FAAH: variants seen among roughly 807,000 people sequenced by gnomAD.
FAAH encodes the protein fatty-acid amide hydrolase 1.
FAAH carries 63 observed loss-of-function variants against 69.7 expected under a neutral mutation model. The ratio of observed to expected loss-of-function variants is 0.90; its 90% CI spans 0.74 to 1.12. The LOEUF is 1.12. FAAH is among the 50% of genes most tolerant of loss of function. FAAH has a pLI of 0.00. For missense variants in FAAH, 680 were observed against 755.0 expected, an observed-to-expected ratio of 0.90 and a Z score of 1.16; for synonymous variants, 305 against 324.2, an observed-to-expected ratio of 0.94 and a Z score of 0.64.
chr1:46,398,062 T>C (rs865839488), intron 1 of FAAH, among the ~76,000 whole-genome samples: 3 of 151,466 alleles, frequency 2.0e-5, no homozygotes, highest in Non-Finnish European at 4.4e-5. Flanking sequence ...GCCTCCCTAG[T>C]AGCTGGGGTT....
chr1:46,411,657 G>T lies in FAAH; in HGVS notation c.1356+6G>T. 1 of 1,613,944 alleles carries T rather than the reference G, an allele frequency of 6.2e-7. No individual in the cohort carries two copies. Among genetic ancestry groups the T allele is most frequent in the Non-Finnish European group, 8.5e-7 (1 of 1,179,922 alleles). On this transcript the variant is annotated splice_donor_region_variant and intron_variant, in intron 12 of 14. Coordinates refer to ENST00000243167, the MANE Select transcript of FAAH (RefSeq NM_001441.3). This position sits in a 1 kb window ranked among gnomAD's most constrained non-coding sequence, Gnocchi z 4.8. The stretch of plus-strand genomic sequence containing the variant: ...AACTGCAGCACGAGATCGAGGTGAG[G>T]CCAGAGCCTCTGGATTGGAGCAGGG...
chr1:46,406,059 T>C lies in FAAH; in HGVS notation c.807T>C (p.Cys269=), dbSNP rs1302289392. ...NRLSKSGLKG[C]VYGQEAVRLS... ...CCAGCAAGAGTGGCCTGAAGGGCTG[T>C]GTCTATGGACAGGAGGCAGGTGAGG... is the stretch of plus-strand genomic sequence containing the variant. Residue 269 remains cysteine, a synonymous_variant, in exon 6 of 15, where the codon TGT becomes TGC. Coordinates refer to ENST00000243167, the MANE Select transcript of FAAH (RefSeq NM_001441.3). The C allele has an allele frequency of 8.7e-6, 14 of 1,614,096 alleles. No individual in the cohort carries two copies. Among genetic ancestry groups the C allele is most frequent in the East Asian group, 2.2e-5 (1 of 44,898 alleles).
At chr1:46,403,114 G>T (rs151252697) in intron 2 of FAAH, among the ~76,000 whole-genome samples, 1 of 151,458 alleles carries the variant, frequency 6.6e-6, no homozygotes, top group East Asian at 2.0e-4. Context: ...GATTACAGGC[G>T]TGAGCCACCA....
intron 13 of FAAH, 102 bp downstream of exon 13, chr1:46,412,353 C>T: frequency 2.0e-6 from 2 of 989,110 alleles, no homozygotes; most frequent in Admixed American, 2.0e-5. Flanking sequence ...ACCCTGCCCT[C>T]TCGGGGCCCA....
Position 46,410,313 on chromosome 1 carries a change from G to A in FAAH, c.1176-85G>A, listed in dbSNP as rs961240314. On this transcript the variant is annotated intron_variant, in intron 9 of 14. Transcript: ENST00000243167. The surrounding 1 kb of genome is among the most constrained non-coding windows in gnomAD (Gnocchi z 4.9). ...AGGAGGTGGACAGGATCCCTGCATA[G>A]AGAATGGGATTGCTGTGGGCCGGGC... The A allele has an allele frequency of 8.8e-6, 9 of 1,023,528 alleles. No individual in the cohort carries two copies. The highest frequency in any genetic ancestry group is 1.4e-5 in the Non-Finnish European group (9 of 641,848). 63.4% of individuals were successfully genotyped at this position (1,023,528 alleles called of 1,614,324 possible).
At position 46,405,525 on chromosome 1, in the gene FAAH, C is replaced by A; in HGVS notation, c.578+20C>A. 6 of 216,686 alleles carry A rather than the reference C, an allele frequency of 2.8e-5. No individual in the cohort carries two copies. Among genetic ancestry groups the A allele is most frequent in the Non-Finnish European group, 5.7e-5 (6 of 105,982 alleles). 13.4% of individuals were successfully genotyped at this position (216,686 alleles called of 1,614,324 possible). On this transcript the variant is annotated intron_variant, in intron 4 of 14. Transcript: ENST00000243167. This position sits in a 1 kb window ranked among gnomAD's most constrained non-coding sequence, Gnocchi z 4.1. The stretch of plus-strand genomic sequence containing the variant: ...GTTCAGGTTGGGTCTTGGGGTGGGG[C>A]GGGGCGGGGCAGGGGCACCGGTCCC...
rs1415466730 is a variant in FAAH, at chr1:46,409,071, A to G, written c.1078-30A>G. On this transcript the variant is annotated intron_variant, in intron 8 of 14. Coordinates refer to ENST00000243167, the MANE Select transcript of FAAH (RefSeq NM_001441.3). Reference sequence around the variant, plus strand: ...GGATCATGAAGCCAGTTGTTAGGTCAGGAGGCCTTACACCCCTCAATCCCT... The same window carrying G: ...GGATCATGAAGCCAGTTGTTAGGTCGGGAGGCCTTACACCCCTCAATCCCT... The G allele has an allele frequency of 5.1e-6, 8 of 1,575,586 alleles. 1 individual carries two copies. Among genetic ancestry groups the G allele is most frequent in the African/African-American group, 1.3e-5 (1 of 74,198 alleles).
In FAAH at chr1:46,405,706, G is replaced by C; in HGVS notation, c.697G>C (p.Gly233Arg). ...ALIGSGGSPL[G>R]LGTDIGGSIR... The stretch of plus-strand genomic sequence containing the variant: ...CATCGGGTCTGGAGGCTCCCCCCTG[G>C]GCTTAGGCACTGATATCGGAGGCAG... The change falls in exon 5 of 15, where the codon GGC (glycine) becomes CGC (arginine). Residue 233 changes from glycine to arginine, a missense_variant. Physicochemically the swap from Gly to Arg is moderately radical, Grantham distance 125. Coordinates refer to ENST00000243167, the MANE Select transcript of FAAH (RefSeq NM_001441.3). The surrounding 1 kb of genome is among the most constrained non-coding windows in gnomAD (Gnocchi z 4.1). 6.2e-7 allele frequency: 1 copy of C among 1,613,574 alleles called. No individual in the cohort carries two copies. The highest frequency in any genetic ancestry group is 8.5e-7 in the Non-Finnish European group (1 of 1,180,042).
At chr1:46,406,488 A>T in intron 7 of FAAH, 120 bp downstream of exon 7, 1 of 1,420,914 alleles carries the variant, frequency 7.0e-7, no homozygotes, top group Non-Finnish European at 9.7e-7. Context: ...CTCTGAGGCC[A>T]GGGCGGGTTG....
At chr1:46,396,378 A>G (rs1557755669) in intron 1 of FAAH, among the ~76,000 whole-genome samples, 1 of 152,194 alleles carries the variant, frequency 6.6e-6, no homozygotes, top group Non-Finnish European at 1.5e-5. Flanking sequence ...TCTTATCTCA[A>G]CTGCAAAGAG....
At chr1:46,413,018 C>T (rs568279491) in intron 13 of FAAH, 57 bp from the exon 14 acceptor site, 32 of 1,608,844 alleles carry the variant, frequency 2.0e-5, no homozygotes, top group African/African-American at 1.1e-4. Flanking sequence ...GACTCAGGCC[C>T]GGAGTTGGCA....
At chr1:46,397,672 C>T (rs1374403015) in intron 1 of FAAH, among the ~76,000 whole-genome samples, 1 of 152,130 alleles carries the variant, frequency 6.6e-6, no homozygotes, top group East Asian at 1.9e-4. Context: ...AGCGATTCTC[C>T]TGCCTCAGCC....
chr1:46,413,272 C>T (rs1664950159), intron 14 of FAAH, 52 bp downstream of exon 14: 3 of 1,613,332 alleles, frequency 1.9e-6, no homozygotes, highest in Non-Finnish European at 1.7e-6. Flanking sequence ...CTGACTCTGG[C>T]CGCTGTGGAG....
chr1:46,396,345 C>A (rs148349328), intron 1 of FAAH, among the ~76,000 whole-genome samples: 3 of 152,208 alleles, frequency 2.0e-5, no homozygotes, highest in Non-Finnish European at 4.4e-5. Context: ...TTCCCAGGGA[C>A]GAGCAGGAGA....
Position 46,405,556 on chromosome 1 carries a change from G to A in FAAH, c.579-32G>A, listed in dbSNP as rs1045103935. On this transcript the variant is annotated intron_variant, in intron 4 of 14. Coordinates refer to ENST00000243167, the MANE Select transcript of FAAH (RefSeq NM_001441.3). The surrounding 1 kb of genome is among the most constrained non-coding windows in gnomAD (Gnocchi z 4.1). ...GGGGCAGGGGCACCGGTCCCAGCAT[G>A]GCACGGGCTGACCCATTCTTGGCTC... 42 of 1,613,006 alleles carry A rather than the reference G, an allele frequency of 2.6e-5. No individual in the cohort carries two copies. Among genetic ancestry groups the A allele is most frequent in the Non-Finnish European group, 3.5e-5 (41 of 1,180,052 alleles).
At chr1:46,395,753 C>G (rs550134753) in intron 1 of FAAH, among the ~76,000 whole-genome samples, 1 of 152,210 alleles carries the variant, frequency 6.6e-6, no homozygotes, top group African/African-American at 2.4e-5. Flanking sequence ...AGAGCTGGAA[C>G]TAGAACCTAG....
At position 46,410,825 on chromosome 1, in the gene FAAH, G is replaced by C. The variant is rs758294846; in HGVS notation, c.1287G>C (p.Leu429=). The change falls in exon 11 of 15, where the codon CTG becomes CTC. Residue 429 remains leucine (L), a synonymous_variant. Transcript: ENST00000243167. This position sits in a 1 kb window ranked among gnomAD's most constrained non-coding sequence, Gnocchi z 4.9. ...TCTGTCCTGTGCAGCTGCCAAGGCT[G>C]TCAGCTTTCCTCAGCAACATGAAGT... is the stretch of plus-strand genomic sequence containing the variant. ...AFLVKPLLPR[L]SAFLSNMKSR... is the part of the protein sequence containing the mutation. 5 of 1,614,216 alleles carry C rather than the reference G, an allele frequency of 3.1e-6. 1 individual carries two copies. In the South Asian group the frequency reaches 5.5e-5, roughly 18 times the overall value.
At chr1:46,406,441 C>A in intron 7 of FAAH, 73 bp downstream of exon 7, 1 of 1,598,050 alleles carries the variant, frequency 6.3e-7, no homozygotes, top group Non-Finnish European at 8.5e-7. Flanking sequence ...GTGGGCAGGC[C>A]TTGGAGCCCC....
chr1:46,403,299 T>G (rs1362825390), intron 2 of FAAH, among the ~76,000 whole-genome samples: 1 of 151,534 alleles, frequency 6.6e-6, no homozygotes, highest in Non-Finnish European at 1.5e-5. Flanking sequence ...CTTGGCTAAT[T>G]TTTGTATTTT....
Sources: gnomAD v4.1 joint callset for allele counts (sites outside exome capture counted in the v4.1 genomes callset) on GRCh38, gnomAD v4.1.1 for gene constraint, Gnocchi (gnomAD v3.1) non-coding constraint, MANE v1.5 for transcripts, NCBI Gene and HGNC (gene_info 2026-07-23, HGNC 2026-07-21) for gene names.